RRAS2: variants seen among roughly 807,000 people sequenced by gnomAD.
RRAS2 encodes ras-related protein R-Ras2.
A neutral mutation model predicts 27.6 loss-of-function variants in RRAS2; 7 were observed. The ratio of observed to expected loss-of-function variants is 0.25; its 90% confidence interval spans 0.14 to 0.48. RRAS2 has a LOEUF of 0.48. RRAS2 is among the 20% of genes least tolerant of loss of function. RRAS2 has a pLI of 0.99. For missense variants in RRAS2, 178 were observed against 256.2 expected, an observed-to-expected ratio of 0.69 and a Z score of 2.08; for synonymous variants, 86 against 90.9, an observed-to-expected ratio of 0.95 and a Z score of 0.31.
chr11:14,355,507 T>TA (rs1849053311), intron 1 of RRAS2, among the ~76,000 whole-genome samples: 1 of 152,256 alleles, frequency 6.6e-6, no homozygotes, highest in Admixed American at 6.5e-5. Flanking sequence ...TTATCATGGC[T>TA]ACTTTATGAT....
At chr11:14,289,646 G>A (rs1243071977) in intron 4 of RRAS2, among the ~76,000 whole-genome samples, 1 of 152,148 alleles carries the variant, frequency 6.6e-6, no homozygotes, top group Non-Finnish European at 1.5e-5. Flanking sequence ...AAACCTCAGT[G>A]ACTATTCTGT....
At chr11:14,361,268 A>G (rs1281974589), upstream of RRAS2, among the ~76,000 whole-genome samples, 2 of 148,564 alleles carry the variant, frequency 1.3e-5, no homozygotes, top group Non-Finnish European at 3.0e-5. Context: ...ACACCACTGC[A>G]CTCCCGCCTG....
At chr11:14,314,259 A>G (rs1306927476) in intron 1 of RRAS2, among the ~76,000 whole-genome samples, 1 of 152,240 alleles carries the variant, frequency 6.6e-6, no homozygotes, top group East Asian at 1.9e-4. Flanking sequence ...ATTCTGATCT[A>G]ATTTTAACAT....
chr11:14,358,731 T>C lies in RRAS2; in HGVS notation c.108+32A>G, dbSNP rs782647300. ...AGCGCCAGCCCCCGCCCGCCGCCGCTCCGGCGCCCCGGGCAGGCCCGCTCC... is the reference window on the plus strand; with the variant it reads ...AGCGCCAGCCCCCGCCCGCCGCCGCCCCGGCGCCCCGGGCAGGCCCGCTCC... On this transcript the variant is annotated intron_variant, in intron 1 of 5. Transcript: ENST00000256196. The surrounding 1 kb of genome is among the most constrained non-coding windows in gnomAD (Gnocchi z 5.1). 1 of 1,258,144 alleles carries C rather than the reference T, an allele frequency of 7.9e-7. No individual in the cohort carries two copies. The highest frequency in any genetic ancestry group is 1.6e-5 in the African/African-American group (1 of 64,212). 77.9% of individuals were successfully genotyped at this position (1,258,144 alleles called of 1,614,324 possible).
intron 1 of RRAS2, among the ~76,000 whole-genome samples, chr11:14,326,988 G>A (rs548048701): frequency 0.023 from 524 of 22,750 alleles, 150 homozygotes; most frequent in African/African-American, 0.045. Flanking sequence ...GTGAACCCGG[G>A]AGGCGGAGCT....
At chr11:14,289,934 C>A (rs1440665518) in intron 4 of RRAS2, among the ~76,000 whole-genome samples, 2 of 152,068 alleles carry the variant, frequency 1.3e-5, no homozygotes, top group Non-Finnish European at 2.9e-5. Context: ...TACAAATGAT[C>A]AAGTCTAAGA....
At chr11:14,284,613 T>C (rs1352557514) in intron 4 of RRAS2, among the ~76,000 whole-genome samples, 4 of 152,168 alleles carry the variant, frequency 2.6e-5, no homozygotes, top group African/African-American at 4.8e-5. Flanking sequence ...TGATTTTAAG[T>C]GTGAATTTGT....
intron 1 of RRAS2, among the ~76,000 whole-genome samples, chr11:14,322,074 G>C (rs1424091959): frequency 6.6e-6 from 1 of 152,104 alleles, no homozygotes; most frequent in Non-Finnish European, 1.5e-5. Flanking sequence ...TGCCCCAAAA[G>C]AGATCACAAT....
At chr11:14,350,717 A>C (rs1222731312) in intron 1 of RRAS2, among the ~76,000 whole-genome samples, 1 of 152,174 alleles carries the variant, frequency 6.6e-6, no homozygotes, top group Non-Finnish European at 1.5e-5. Context: ...AATTGCAAAA[A>C]AAAAATCTCA....
intron 1 of RRAS2, among the ~76,000 whole-genome samples, chr11:14,310,273 A>G (rs781799003): frequency 9.9e-5 from 15 of 152,218 alleles, no homozygotes; most frequent in Non-Finnish European, 1.8e-4. Context: ...CACTTATTAG[A>G]CACCTACAGA....
At chr11:14,296,147 T>G (rs917661841) in intron 1 of RRAS2, among the ~76,000 whole-genome samples, 4 of 151,752 alleles carry the variant, frequency 2.6e-5, no homozygotes, top group African/African-American at 9.7e-5. Flanking sequence ...GCCACTGTAC[T>G]CCAGCCTGGG....
intron 4 of RRAS2, among the ~76,000 whole-genome samples, chr11:14,290,098 C>A (rs1564955880): frequency 6.6e-6 from 1 of 152,154 alleles, no homozygotes; most frequent in Non-Finnish European, 1.5e-5. Flanking sequence ...CTTGGTAGAA[C>A]AACGTAAGTG....
At chr11:14,312,255 G>T (rs574346726) in intron 1 of RRAS2, among the ~76,000 whole-genome samples, 1 of 152,286 alleles carries the variant, frequency 6.6e-6, no homozygotes, top group Admixed American at 6.5e-5. Context: ...ATAGCAAACA[G>T]CCATTGAAAA....
chr11:14,332,070 T>A (rs1333647974), intron 1 of RRAS2, among the ~76,000 whole-genome samples: 1 of 152,182 alleles, frequency 6.6e-6, no homozygotes, highest in African/African-American at 2.4e-5. Context: ...CCATACCCAG[T>A]TGCTGGGAAT....
At chr11:14,295,045 TAC>T (rs1363276582) in intron 2 of RRAS2, among the ~76,000 whole-genome samples, 183 bp from the exon 3 acceptor site, 2 of 152,212 alleles carry the variant, frequency 1.3e-5, no homozygotes, top group Non-Finnish European at 2.9e-5. Context: ...GGCAGACAGT[TAC>T]AGAGTTTATC....
At chr11:14,281,784 T>A in intron 4 of RRAS2, 64 bp from the exon 5 acceptor site, 1 of 1,350,678 alleles carries the variant, frequency 7.4e-7, no homozygotes, top group Non-Finnish European at 1.0e-6. Flanking sequence ...CATCTAATCC[T>A]GGCCACAGAT....
At chr11:14,354,675 T>TC (rs1182898557) in intron 1 of RRAS2, among the ~76,000 whole-genome samples, 2 of 144,410 alleles carry the variant, frequency 1.4e-5, no homozygotes, top group African/African-American at 2.6e-5. Context: ...ACAATTTCTT[T>TC]TTTTTTTTTT....
At chr11:14,313,962 A>T (rs574086616) in intron 1 of RRAS2, among the ~76,000 whole-genome samples, 4 of 152,368 alleles carry the variant, frequency 2.6e-5, no homozygotes, top group Admixed American at 2.6e-4. Flanking sequence ...TAAAGAAAAA[A>T]GAATTTAGCA....
rs187706288 is a variant in RRAS2, at chr11:14,339,567, C to T, written c.108+19196G>A. ...TCCTCTATAAAGCACTCTAGCAATA[C>T]CTGCTGATTGTCAACAACAGACGTC... On this transcript the variant is annotated intron_variant, in intron 1 of 5. Coordinates refer to ENST00000256196, the MANE Select transcript of RRAS2 (RefSeq NM_012250.6). Among the ~76,000 whole-genome samples the T allele has an allele frequency of 2.3e-4, 35 of 152,190 alleles. No homozygotes were observed. In the East Asian group the frequency reaches 6.0e-3, roughly 26 times the overall value.
Sources: gnomAD v4.1 joint callset for allele counts (sites outside exome capture counted in the v4.1 genomes callset) on GRCh38, gnomAD v4.1.1 for gene constraint, Gnocchi (gnomAD v3.1) non-coding constraint, MANE v1.5 for transcripts, NCBI Gene and HGNC (gene_info 2026-07-23, HGNC 2026-07-21) for gene names.